The following TENM1 variants were observed in gnomAD, a reference collection of about 807,000 sequenced individuals.
The protein encoded by TENM1 is teneurin transmembrane protein 1, also known as teneurin-1.
A neutral mutation model predicts 174.8 loss-of-function variants in TENM1; 35 were observed. That is an observed-to-expected ratio of 0.20 (90% confidence interval 0.15 to 0.27). The LOEUF is 0.27. Ranked by LOEUF, TENM1 falls within the 10% of genes least tolerant of loss-of-function variation. The pLI is 1.00. For missense variants in TENM1, 1,633 were observed against 2,130.1 expected, an observed-to-expected ratio of 0.77 and a Z score of 4.59; for synonymous variants, 781 against 798.7, an observed-to-expected ratio of 0.98 and a Z score of 0.37.
rs112822349 is a variant in TENM1 at position 124,434,865 on chromosome X, A to G, written c.4105-12227T>C. On this transcript the variant is annotated intron_variant, in intron 23 of 31. Coordinates refer to ENST00000422452, the Ensembl canonical transcript of TENM1. Reference sequence around the variant, plus strand: ...TCTCTGTTTCTCGGGTTTTATCATTACGCTAAAGAACTGAACCCTCTCAGC... The same window carrying G: ...TCTCTGTTTCTCGGGTTTTATCATTGCGCTAAAGAACTGAACCCTCTCAGC... Among the ~76,000 whole-genome samples, 616 of 112,343 alleles carry G rather than the reference A, an allele frequency of 5.5e-3. 5 individuals are homozygous for G. Among genetic ancestry groups the G allele is most frequent in the African/African-American group, 0.019 (586 of 30,960 alleles).
intron 16 of TENM1, among the ~76,000 whole-genome samples, chrX:124,526,713 C>T (rs13328496): frequency 0.059 from 6,592 of 111,966 alleles, 280 homozygotes; most frequent in African/African-American, 0.15. Flanking sequence ...TAAGTCCAAC[C>T]AGTCCTATCT....
At chrX:124,417,905 T>C (rs1037479754) in intron 25 of TENM1, among the ~76,000 whole-genome samples, 1 of 111,714 alleles carries the variant, frequency 9.0e-6, no homozygotes, top group Non-Finnish European at 1.9e-5. Flanking sequence ...TCAATCTCTC[T>C]ATAAGTCCTG....
At chrX:125,107,016 C>T in the TENM1 span, among the ~76,000 whole-genome samples, 7,792 of 111,610 alleles carry the variant, frequency 0.07, 675 homozygotes, top group African/African-American at 0.24. Context: ...GCTTTACAAA[C>T]AGGCTCAGCA....
chrX:125,143,957 CAAG>C, the TENM1 span, among the ~76,000 whole-genome samples: 1 of 111,705 alleles, frequency 9.0e-6, no homozygotes, highest in African/African-American at 3.2e-5. Context: ...ATTAGGAAAA[CAAG>C]AAGTAACTAA....
At chrX:125,178,844 T>C in the TENM1 span, among the ~76,000 whole-genome samples, 2 of 110,818 alleles carry the variant, frequency 1.8e-5, no homozygotes, top group Admixed American at 1.9e-4. Context: ...TGGTGGCTCA[T>C]GTATATAGTC....
chrX:124,526,541 A>G (rs748960458), intron 16 of TENM1, among the ~76,000 whole-genome samples: 3 of 112,196 alleles, frequency 2.7e-5, no homozygotes, highest in Non-Finnish European at 3.8e-5. Context: ...ACCATTTCCA[A>G]TGCCAAATAG....
At chrX:124,939,137 A>G (rs1042213984) in intron 1 of TENM1, among the ~76,000 whole-genome samples, 12 of 112,182 alleles carry the variant, frequency 1.1e-4, no homozygotes, top group African/African-American at 3.9e-4. Context: ...ATTCATCTGA[A>G]TAAGAAAGGA....
the TENM1 span, among the ~76,000 whole-genome samples, chrX:125,000,676 T>C: frequency 8.9e-6 from 1 of 111,777 alleles, no homozygotes; most frequent in Non-Finnish European, 1.9e-5. Flanking sequence ...GTTTTTTACA[T>C]ACAATAAGAA....
intron 11 of TENM1, among the ~76,000 whole-genome samples, chrX:124,617,627 A>G (rs1012752601): frequency 8.9e-6 from 1 of 112,232 alleles, no homozygotes; most frequent in Admixed American, 9.5e-5. Context: ...CTTCTAGTTC[A>G]GCTTGGACTA....
intron 1 of TENM1, among the ~76,000 whole-genome samples, chrX:124,934,407 A>T (rs951284482): frequency 8.9e-6 from 1 of 112,350 alleles, no homozygotes; most frequent in Non-Finnish European, 1.9e-5. Flanking sequence ...GCTAGGTCCT[A>T]CTATACAATA....
intron 3 of TENM1, among the ~76,000 whole-genome samples, chrX:124,842,915 T>C (rs1272617597): frequency 9.0e-6 from 1 of 111,394 alleles, no homozygotes; most frequent in Non-Finnish European, 1.9e-5. Flanking sequence ...TTCCTCTGCA[T>C]TGAACTGTAC....
intron 11 of TENM1, among the ~76,000 whole-genome samples, chrX:124,590,463 G>T (rs1262132985): frequency 9.1e-6 from 1 of 110,277 alleles, no homozygotes; most frequent in Non-Finnish European, 1.9e-5. Flanking sequence ...ACAAACCACT[G>T]CTCAAGGAAA....
the TENM1 span, among the ~76,000 whole-genome samples, chrX:125,119,871 A>G: frequency 8.9e-6 from 1 of 111,774 alleles, no homozygotes; most frequent in Non-Finnish European, 1.9e-5. Context: ...TTGCGTGGGT[A>G]GTATATAATA....
At chrX:124,697,135 C>T (rs138246331) in intron 5 of TENM1, among the ~76,000 whole-genome samples, 1,292 of 111,544 alleles carry the variant, frequency 0.012, 17 homozygotes, top group African/African-American at 0.039. Flanking sequence ...TCACATCCAA[C>T]CCAATAATCA....
chrX:124,482,699 C>A (rs2046871053), intron 21 of TENM1, among the ~76,000 whole-genome samples: 1 of 112,129 alleles, frequency 8.9e-6, no homozygotes, highest in Non-Finnish European at 1.9e-5. Context: ...TGTTTGGATT[C>A]TGGCATTCTT....
intron 4 of TENM1, among the ~76,000 whole-genome samples, chrX:124,709,103 T>A (rs761109302): frequency 8.9e-6 from 1 of 112,151 alleles, no homozygotes; most frequent in East Asian, 2.8e-4. Flanking sequence ...ATTATAATAA[T>A]GTTAGTAAGA....
chrX:124,647,757 G>T (rs183610727), intron 8 of TENM1, among the ~76,000 whole-genome samples: 3,261 of 105,762 alleles, frequency 0.031, 148 homozygotes, highest in African/African-American at 0.11. Flanking sequence ...GTGTGTGTTT[G>T]TGTGTGTGTG....
chrX:124,928,719 T>C (rs763631192), intron 1 of TENM1, among the ~76,000 whole-genome samples: 1 of 111,596 alleles, frequency 9.0e-6, no homozygotes, highest in African/African-American at 3.3e-5. Context: ...AAGGGTGAAA[T>C]TGAAGTTAAA....
In TENM1 at chrX:124,683,927, T is replaced by G. The variant is rs1191129982; in HGVS notation, c.1016-12092A>C. Among the ~76,000 whole-genome samples the G allele has an allele frequency of 2.7e-5, 3 of 112,335 alleles. No homozygotes were observed. The Admixed American group carries it at 2.8e-4, about 11-fold the overall frequency. On this transcript the variant is annotated intron_variant, in intron 5 of 31. Coordinates refer to ENST00000422452, the Ensembl canonical transcript of TENM1. ...GTGGGAAAATAATATGGCAGTATTT[T>G]AGTTTCATTATTTTTGTATGGTTTG... is the stretch of plus-strand genomic sequence containing the variant.
Sources: allele counts gnomAD v4.1 joint callset (sites outside exome capture counted in the v4.1 genomes callset), GRCh38; gene constraint gnomAD v4.1.1; transcripts MANE v1.5; gene names NCBI Gene and HGNC (gene_info 2026-07-23, HGNC 2026-07-21).